Variants in ZNF536 observed in about 807,000 individuals in gnomAD.
ZNF536 encodes zinc finger protein 536.
A neutral mutation model predicts 84.5 loss-of-function variants in ZNF536; 13 were observed. The observed-to-expected ratio is 0.15, with a 90% confidence interval of 0.10 to 0.24. ZNF536 has a LOEUF of 0.24. Ranked by LOEUF, ZNF536 falls within the 10% of genes least tolerant of loss-of-function variation. The probability of loss-of-function intolerance (pLI) is 1.00; values close to 1 mark genes in which losing one functional copy is unlikely to be tolerated. For synonymous variants in ZNF536, 811 were observed against 742.5 expected (o/e 1.09, Z -1.50); for missense variants, 1,536 against 1,747.5 (o/e 0.88, Z 2.16).
intron 1 of ZNF536, among the ~76,000 whole-genome samples, chr19:30,408,150 A>C (rs937692574): frequency 6.6e-6 from 1 of 152,160 alleles, no homozygotes; most frequent in Non-Finnish European, 1.5e-5. Context: ...GTGCACGAGT[A>C]CATGTGTGCA....
intron 1 of ZNF536, among the ~76,000 whole-genome samples, chr19:30,664,814 T>G (rs912544621): frequency 6.6e-6 from 1 of 152,168 alleles, no homozygotes; most frequent in Non-Finnish European, 1.5e-5. Context: ...TGATCCCGCA[T>G]GTACTCTGGA....
chr19:30,304,428 A>G (rs2046286066), intron 2 of ZNF536, among the ~76,000 whole-genome samples: 1 of 152,126 alleles, frequency 6.6e-6, no homozygotes, highest in African/African-American at 2.4e-5. Context: ...TTGTTATCCC[A>G]TTCTCCTGCA....
At chr19:30,601,813 T>G (rs1057021950) in intron 1 of ZNF536, among the ~76,000 whole-genome samples, 4 of 152,166 alleles carry the variant, frequency 2.6e-5, no homozygotes, top group African/African-American at 9.7e-5. Flanking sequence ...CCCTGCAGTT[T>G]GCTTGTGTGA....
At chr19:30,282,125 A>G (rs575325210) in intron 1 of ZNF536, among the ~76,000 whole-genome samples, 8 of 152,216 alleles carry the variant, frequency 5.3e-5, no homozygotes, top group Admixed American at 1.3e-4. Flanking sequence ...CAGTGACTGT[A>G]ACAACATCAG....
intron 1 of ZNF536, among the ~76,000 whole-genome samples, chr19:30,636,370 C>T (rs2049065169): frequency 6.6e-6 from 1 of 152,150 alleles, no homozygotes; most frequent in Non-Finnish European, 1.5e-5. Flanking sequence ...GTCCTGGCTC[C>T]ACTGTGGCTG....
intron 2 of ZNF536, among the ~76,000 whole-genome samples, chr19:30,484,127 G>A (rs1053377914): frequency 2.0e-5 from 3 of 151,498 alleles, no homozygotes; most frequent in African/African-American, 4.9e-5. Flanking sequence ...TCCCTCCTAC[G>A]CCTGACCACC....
intron 1 of ZNF536, among the ~76,000 whole-genome samples, chr19:30,649,336 C>T (rs138546441): frequency 6.6e-6 from 1 of 152,192 alleles, no homozygotes; most frequent in South Asian, 2.1e-4. Context: ...TATCCCATAA[C>T]TTAATCATAT....
intron 1 of ZNF536, among the ~76,000 whole-genome samples, chr19:30,691,282 A>G (rs1040611996): frequency 6.6e-6 from 1 of 152,146 alleles, no homozygotes; most frequent in Non-Finnish European, 1.5e-5. Context: ...AAAAGGAGGC[A>G]GACTTTGCAT....
upstream of ZNF536, among the ~76,000 whole-genome samples, chr19:30,226,885 G>GCTGCGCTT (rs533373524): frequency 1.5e-3 from 225 of 152,014 alleles, no homozygotes; most frequent in Non-Finnish European, 2.8e-3. The surrounding 1 kb of genome is among the most constrained non-coding windows in gnomAD (Gnocchi z 4.6). Context: ...GGGTAGGAAT[G>GCTGCGCTT]ATCTTTGCTG....
At chr19:30,691,196 C>CCT (rs1600280039) in intron 1 of ZNF536, among the ~76,000 whole-genome samples, 3 of 152,250 alleles carry the variant, frequency 2.0e-5, no homozygotes, top group East Asian at 1.9e-4. Context: ...CAGAGTTGAG[C>CCT]AGGATCTTTC....
intron 2 of ZNF536, among the ~76,000 whole-genome samples, chr19:30,516,841 C>T (rs1006437832): frequency 1.3e-5 from 2 of 152,180 alleles, no homozygotes; most frequent in African/African-American, 2.4e-5. Context: ...GGCGAGGCTT[C>T]GTGAAGTGGT....
At chr19:30,692,338 C>T (rs936491352) in intron 1 of ZNF536, among the ~76,000 whole-genome samples, 3 of 152,298 alleles carry the variant, frequency 2.0e-5, no homozygotes, top group South Asian at 2.1e-4. Context: ...TTTTTTTCCC[C>T]TTCTCCCTTG....
chr19:30,230,024 G>A (rs897943553), intron 1 of ZNF536, among the ~76,000 whole-genome samples: 3 of 152,168 alleles, frequency 2.0e-5, no homozygotes, highest in Non-Finnish European at 4.4e-5. Context: ...TTGTGACCAG[G>A]CAGAGATATT....
chr19:30,621,177 T>C (rs1291620667), intron 1 of ZNF536, among the ~76,000 whole-genome samples: 1 of 151,952 alleles, frequency 6.6e-6, no homozygotes, highest in East Asian at 1.9e-4. Flanking sequence ...CAGGTGGCTA[T>C]GTTTAGTAGT....
chr19:30,462,628 T>A (rs1209344295), intron 2 of ZNF536, among the ~76,000 whole-genome samples: 1 of 151,906 alleles, frequency 6.6e-6, no homozygotes, highest in African/African-American at 2.4e-5. Flanking sequence ...AGTGTTAGGA[T>A]GTGGCATTTG....
At chr19:30,324,413 C>T (rs1318425507) in intron 2 of ZNF536, among the ~76,000 whole-genome samples, 5 of 152,156 alleles carry the variant, frequency 3.3e-5, no homozygotes, top group African/African-American at 4.8e-5. Context: ...GGTAGGATCT[C>T]GCTCTGTTGC....
chr19:30,315,035 C>G (rs1453309480), intron 2 of ZNF536, among the ~76,000 whole-genome samples: 1 of 152,208 alleles, frequency 6.6e-6, no homozygotes, highest in Non-Finnish European at 1.5e-5. Context: ...TTCCATGCTT[C>G]TCTCCCCTTG....
At chr19:30,579,879 A>T (rs2046860627) in intron 1 of ZNF536, among the ~76,000 whole-genome samples, 1 of 152,154 alleles carries the variant, frequency 6.6e-6, no homozygotes, top group South Asian at 2.1e-4. Context: ...CACCTGCTTT[A>T]CCACCACTGA....
intron 2 of ZNF536, among the ~76,000 whole-genome samples, chr19:30,299,114 T>A (rs940856896): frequency 1.3e-5 from 2 of 152,230 alleles, no homozygotes; most frequent in Admixed American, 1.3e-4. Flanking sequence ...TTTGTATTTA[T>A]TGAAATCACT....
Sources: gnomAD v4.1 joint callset for allele counts (sites outside exome capture counted in the v4.1 genomes callset) on GRCh38, gnomAD v4.1.1 for gene constraint, Gnocchi (gnomAD v3.1) non-coding constraint, MANE v1.5 for transcripts, NCBI Gene and HGNC (gene_info 2026-07-23, HGNC 2026-07-21) for gene names.